Variants in AFG1L observed in about 807,000 individuals in gnomAD.
AFG1L encodes AFG1 like ATPase, also known as AFG1-like ATPase.
A neutral mutation model predicts 62.2 loss-of-function variants in AFG1L; 53 were observed. That is an observed-to-expected ratio of 0.85 (90% CI 0.68 to 1.07). The LOEUF (loss-of-function observed/expected upper bound fraction) is 1.07, where lower values mean the gene tolerates loss of function less well. Ranked by LOEUF, AFG1L falls within the 50% of genes least tolerant of loss-of-function variation. The pLI, the probability that AFG1L is intolerant of heterozygous loss-of-function variation, is 0.00. For synonymous variants in AFG1L, 228 were observed against 210.3 expected, an observed-to-expected ratio of 1.08 and a Z score of -0.73; for missense variants, 555 against 590.5, an observed-to-expected ratio of 0.94 and a Z score of 0.62.
At chr6:108,430,587 A>G (rs926710524) in intron 7 of AFG1L, among the ~76,000 whole-genome samples, 1 of 152,198 alleles carries the variant, frequency 6.6e-6, no homozygotes, top group African/African-American at 2.4e-5. Flanking sequence ...AAAATACTTG[A>G]TCCTTTTGAA....
chr6:108,357,483 T>G (rs1779336986), intron 5 of AFG1L, among the ~76,000 whole-genome samples: 1 of 152,206 alleles, frequency 6.6e-6, no homozygotes, highest in South Asian at 2.1e-4. Context: ...ATATTTACTA[T>G]TCAGTCTTTT....
At chr6:108,443,874 A>G (rs946236045) in intron 7 of AFG1L, among the ~76,000 whole-genome samples, 5 of 146,250 alleles carry the variant, frequency 3.4e-5, no homozygotes, top group Non-Finnish European at 6.0e-5. Flanking sequence ...GACTCTGTCG[A>G]AAAAAAAAAA....
In AFG1L at chr6:108,522,611, T is replaced by C. The variant is rs1775167867; in HGVS notation, c.*186T>C. On this transcript the variant is annotated 3_prime_UTR_variant, in exon 13 of 13. Transcript: ENST00000368977. Reference sequence around the variant, plus strand: ...AGTTAAACACTTAACATTTTTTAGGTCTGCTTTTTCTTATTTGGCCTTATT... The same window carrying C: ...AGTTAAACACTTAACATTTTTTAGGCCTGCTTTTTCTTATTTGGCCTTATT... 2 of 476,374 alleles carry C rather than the reference T, an allele frequency of 4.2e-6. No homozygotes were observed. Among genetic ancestry groups the C allele is most frequent in the South Asian group, 8.2e-5 (2 of 24,256 alleles). 29.5% of individuals were successfully genotyped at this position (476,374 alleles called of 1,614,324 possible). A position where few individuals can be genotyped will look rare whatever the true frequency, so the allele number is the denominator to read the frequency against.
At chr6:108,427,319 C>T (rs1215794470) in intron 7 of AFG1L, among the ~76,000 whole-genome samples, 2 of 151,800 alleles carry the variant, frequency 1.3e-5, no homozygotes, top group South Asian at 2.1e-4. Flanking sequence ...AAACCCGTGG[C>T]GTTATATAAT....
chr6:108,421,211 A>G (rs1770573532), intron 7 of AFG1L, among the ~76,000 whole-genome samples: 1 of 152,190 alleles, frequency 6.6e-6, no homozygotes, highest in African/African-American at 2.4e-5. Context: ...AGATGTGAGG[A>G]ATTTGCCAAA....
rs1199544200 is a variant in AFG1L, at chr6:108,416,054, A to T, written c.807+14000A>T. Among the ~76,000 whole-genome samples, 6 of 152,316 alleles carry T rather than the reference A, an allele frequency of 3.9e-5. 1 individual carries two copies. The East Asian group carries it at 7.7e-4, about 20-fold the overall frequency. ...AAGGGCTAATATCCAGAATCTACAA[A>T]GAACTCAAACAAATTTACAAGAAAA... On this transcript the variant is annotated intron_variant, in intron 7 of 12. Transcript: ENST00000368977.
intron 6 of AFG1L, among the ~76,000 whole-genome samples, chr6:108,389,930 G>A (rs867536816): frequency 4.6e-5 from 7 of 152,172 alleles, no homozygotes; most frequent in Middle Eastern, 3.4e-3. Context: ...GACCTGCCTC[G>A]CTAGGTTGGG....
chr6:108,334,923 C>T (rs1368800215), intron 2 of AFG1L, among the ~76,000 whole-genome samples: 1 of 152,100 alleles, frequency 6.6e-6, no homozygotes, highest in African/African-American at 2.4e-5. Flanking sequence ...ACCCTCCATC[C>T]TTTCGTTATG....
intron 6 of AFG1L, among the ~76,000 whole-genome samples, chr6:108,380,497 C>T (rs953586810): frequency 2.6e-5 from 4 of 152,178 alleles, no homozygotes; most frequent in Non-Finnish European, 5.9e-5. Flanking sequence ...GCTGTAGCAG[C>T]TCTCTTCCGT....
At chr6:108,411,683 C>T (rs1782119510) in intron 7 of AFG1L, among the ~76,000 whole-genome samples, 1 of 152,228 alleles carries the variant, frequency 6.6e-6, no homozygotes, top group Non-Finnish European at 1.5e-5. Context: ...AACAGACCTG[C>T]AGCTGAGAGT....
chr6:108,449,108 A>G (rs1771938285), intron 8 of AFG1L, among the ~76,000 whole-genome samples: 1 of 151,728 alleles, frequency 6.6e-6, no homozygotes, highest in East Asian at 1.9e-4. Context: ...TGATCATACC[A>G]CTGTACTTCA....
At position 108,447,195 on chromosome 6, in the gene AFG1L, T is replaced by TC. The variant is rs1771844908; in HGVS notation, c.808-18dup. 7.2e-7 allele frequency: 1 copy of TC among 1,386,874 alleles called. No homozygotes were observed. The highest frequency in any genetic ancestry group is 1.2e-5 in the South Asian group (1 of 83,054). The allele number at this position is 1,386,874 out of a possible 1,614,324, so 85.9% of individuals were successfully genotyped here. A position where few individuals can be genotyped will look rare whatever the true frequency, so the allele number is the denominator to read the frequency against. ...GCCACTACTTGTTTAAAAAGGCACT[T>TC]CATTTGTTTGGATTGTAGGAATATT... On this transcript the variant is annotated intron_variant, in intron 7 of 12. Coordinates refer to ENST00000368977, the MANE Select transcript of AFG1L (RefSeq NM_145315.5).
chr6:108,520,035 C>T, intron 12 of AFG1L: 1 of 325,324 alleles, frequency 3.1e-6, no homozygotes, highest in South Asian at 4.1e-5. Context: ...TTCAGTGCTC[C>T]ATTTTGCATG....
rs976803153 is a variant in AFG1L, at chr6:108,524,303, A to T, written c.*1878A>T. Reference sequence around the variant, plus strand: ...GTAATTATTCTGTATCTTAATTTTTAAAAAAATCATGTGAATGGACAGACA... The same window carrying T: ...GTAATTATTCTGTATCTTAATTTTTTAAAAAATCATGTGAATGGACAGACA... On this transcript the variant is annotated 3_prime_UTR_variant, in exon 13 of 13. Coordinates refer to ENST00000368977, the MANE Select transcript of AFG1L (RefSeq NM_145315.5). 7 of 152,174 alleles carry T rather than the reference A, an allele frequency of 4.6e-5. No individual in the cohort carries two copies. Among genetic ancestry groups the T allele is most frequent in the Admixed American group, 6.5e-5 (1 of 15,272 alleles). The allele number at this position is 152,174 out of a possible 1,614,324, so 9.4% of individuals were successfully genotyped here. A position where few individuals can be genotyped will look rare whatever the true frequency, so the allele number is the denominator to read the frequency against.
At chr6:108,454,598 G>A (rs558269441) in intron 8 of AFG1L, among the ~76,000 whole-genome samples, 1 of 152,140 alleles carries the variant, frequency 6.6e-6, no homozygotes, top group African/African-American at 2.4e-5. Flanking sequence ...TAAATCAAAG[G>A]TCAGTTTCCC....
chr6:108,478,030 T>C (rs540982656), intron 10 of AFG1L, among the ~76,000 whole-genome samples: 3 of 152,250 alleles, frequency 2.0e-5, no homozygotes, highest in Admixed American at 6.5e-5. Context: ...AATTTATCAT[T>C]CTAGCTGGTC....
chr6:108,427,721 C>T (rs1770889611), intron 7 of AFG1L, among the ~76,000 whole-genome samples: 1 of 151,890 alleles, frequency 6.6e-6, no homozygotes, highest in Non-Finnish European at 1.5e-5. Context: ...AGGGTTTCAC[C>T]ATGTTGGTAA....
chr6:108,400,702 AT>A (rs994434565), intron 6 of AFG1L, among the ~76,000 whole-genome samples: 9 of 122,882 alleles, frequency 7.3e-5, no homozygotes, highest in African/African-American at 2.8e-4. Flanking sequence ...TATATATATT[AT>A]TATATATATT....
chr6:108,343,884 A>G (rs762796147), intron 2 of AFG1L, among the ~76,000 whole-genome samples: 1 of 152,196 alleles, frequency 6.6e-6, no homozygotes, highest in South Asian at 2.1e-4. Flanking sequence ...ACCATGAGTG[A>G]GGTCTAGAAG....
Sources: allele counts gnomAD v4.1 joint callset (sites outside exome capture counted in the v4.1 genomes callset), GRCh38; gene constraint gnomAD v4.1.1; transcripts MANE v1.5; gene names NCBI Gene and HGNC (gene_info 2026-07-23, HGNC 2026-07-21).